SLC45A1: variants seen among roughly 807,000 people sequenced by gnomAD.
SLC45A1 encodes proton-associated sugar transporter A.
A neutral mutation model predicts 57.6 loss-of-function variants in SLC45A1; 28 were observed. That is an observed-to-expected ratio of 0.49 (90% CI 0.36 to 0.67). The LOEUF is 0.67. Ranked by LOEUF, SLC45A1 falls within the 30% of genes least tolerant of loss-of-function variation. The pLI, the probability that SLC45A1 is intolerant of heterozygous loss-of-function variation, is 0.00. For missense variants in SLC45A1, 814 were observed against 1,041.5 expected (o/e 0.78, Z 3.01); for synonymous variants, 459 against 471.5 (o/e 0.97, Z 0.34).
rs924405195 is a variant in SLC45A1, at chr1:8,328,151, C to G, written c.716-2058C>G. On this transcript the variant is annotated intron_variant, in intron 4 of 8. Coordinates refer to ENST00000471889, the MANE Select transcript of SLC45A1 (RefSeq NM_001080397.3). This position sits in a 1 kb window ranked among gnomAD's most constrained non-coding sequence, Gnocchi z 4.6. ...ACTCCTTCCTCTACTCTTTCCCCAA[C>G]CCTCACTGCTGCACTTGACTAGTCT... The G allele has an allele frequency of 1.3e-5, 2 of 152,224 alleles. No homozygotes were observed. The highest frequency in any genetic ancestry group is 4.8e-5 in the African/African-American group (2 of 41,456). 9.4% of individuals were successfully genotyped at this position (152,224 alleles called of 1,614,324 possible).
rs112328262 is a variant in SLC45A1 at position 8,343,034 on chromosome 1, T to C, written c.1981-713T>C. Among the ~76,000 whole-genome samples the C allele has an allele frequency of 2.1e-3, 327 of 152,304 alleles. No homozygotes were observed. Among genetic ancestry groups the C allele is most frequent in the African/African-American group, 7.5e-3 (311 of 41,564 alleles). On this transcript the variant is annotated intron_variant, in intron 8 of 8. Coordinates refer to ENST00000471889, the MANE Select transcript of SLC45A1 (RefSeq NM_001080397.3). This position sits in a 1 kb window ranked among gnomAD's most constrained non-coding sequence, Gnocchi z 7.7. ...CTGGGCCTGATTTGTTTTAGGGAGT[T>C]TGGAGTCTGACAAGTTCAGCTGGGC...
Position 8,344,050 on chromosome 1 carries a change from C to T in SLC45A1, c.*37C>T, listed in dbSNP as rs765965533. On this transcript the variant is annotated 3_prime_UTR_variant, in exon 9 of 9. Coordinates refer to ENST00000471889, the MANE Select transcript of SLC45A1 (RefSeq NM_001080397.3). ...CTCGACTCCGGACACGCGCCTGCAC[C>T]TGGGGGTCTGGAGCAGGCCGACCAG... 4.5e-6 allele frequency: 7 copies of T among 1,572,612 alleles called. No individual in the cohort carries two copies. The highest frequency in any genetic ancestry group is 4.5e-5 in the East Asian group (2 of 44,104).
intron 1 of SLC45A1, among the ~76,000 whole-genome samples, chr1:8,322,053 G>A: frequency 8.2e-6 from 1 of 122,364 alleles, no homozygotes; most frequent in Non-Finnish European, 1.7e-5. Context: ...GTGGGTGGAT[G>A]GATGGATGGG....
Position 8,324,504 on chromosome 1 carries a change from T to TGGCC in SLC45A1, c.175_176insGGCC (p.Ser59TrpfsTer14). Reference sequence around the variant, plus strand: ...CAAGAGGAGGAAGTGCATTCGTCCCTCCCCACCCCCGCCCCCCAACACCCC... The same window carrying TGGCC: ...CAAGAGGAGGAAGTGCATTCGTCCCTGGCCCCCCACCCCCGCCCCCCAACACCCC... On this transcript the variant is annotated frameshift_variant, in exon 2 of 9. Transcript: ENST00000471889. LOFTEE classifies it high-confidence loss of function. 3.3e-6 allele frequency: 5 copies of TGGCC among 1,528,626 alleles called. No homozygotes were observed. Among genetic ancestry groups the TGGCC allele is most frequent in the Non-Finnish European group, 4.5e-6 (5 of 1,108,702 alleles). The allele number at this position is 1,528,626 out of a possible 1,614,324, so 94.7% of individuals were successfully genotyped here.
intron 1 of SLC45A1, among the ~76,000 whole-genome samples, chr1:8,323,220 C>G (rs528945821): frequency 1.3e-5 from 2 of 152,034 alleles, no homozygotes; most frequent in African/African-American, 4.8e-5. Flanking sequence ...AGGCTGGGCA[C>G]GGTGGCTCAC....
intron 6 of SLC45A1, 67 bp from the exon 7 acceptor site, chr1:8,337,749 T>C: frequency 7.0e-7 from 1 of 1,436,226 alleles, no homozygotes; most frequent in Non-Finnish European, 9.6e-7. Flanking sequence ...TAGACGCATG[T>C]TGGTTAGAGA....
chr1:8,323,155 T>C (rs1569927719), intron 1 of SLC45A1, among the ~76,000 whole-genome samples: 2 of 152,106 alleles, frequency 1.3e-5, no homozygotes, highest in Non-Finnish European at 2.9e-5. Context: ...GCCTTGAACT[T>C]GCTCTCTCCT....
Position 8,327,295 on chromosome 1 carries a change from C to T in SLC45A1, c.715+1253C>T, listed in dbSNP as rs1187169628. On this transcript the variant is annotated intron_variant, in intron 4 of 8. Transcript: ENST00000471889. The surrounding 1 kb of genome is among the most constrained non-coding windows in gnomAD (Gnocchi z 4.3). ...TGTATGTATATATACATACCTGTGG[C>T]ATGCTTAATGGTGAAACAGGAGAAA... Among the ~76,000 whole-genome samples, 1 of 152,120 alleles carries T rather than the reference C, an allele frequency of 6.6e-6. No homozygotes were observed. Among genetic ancestry groups the T allele is most frequent in the Non-Finnish European group, 1.5e-5 (1 of 68,028 alleles).
Position 8,325,533 on chromosome 1 carries a change from C to T in SLC45A1, c.490+143C>T. On this transcript the variant is annotated intron_variant, in intron 3 of 8. Transcript: ENST00000471889. This position sits in a 1 kb window ranked among gnomAD's most constrained non-coding sequence, Gnocchi z 6.3. ...CCGCACTGGTGTGAGGCAGGGAGTG[C>T]CCCGCAACCTGGCCTCAGTTAACTG... 1.5e-6 allele frequency: 1 copy of T among 657,456 alleles called. No individual in the cohort carries two copies. The allele number at this position is 657,456 out of a possible 1,614,324, so 40.7% of individuals were successfully genotyped here.
At chr1:8,341,407 C>T (rs1281382315) in intron 8 of SLC45A1, among the ~76,000 whole-genome samples, 39 of 142,416 alleles carry the variant, frequency 2.7e-4, no homozygotes, top group Admixed American at 2.0e-3. Flanking sequence ...TGGTGGCGGA[C>T]GCCTATAGTC....
chr1:8,344,082 C>T lies in SLC45A1; in HGVS notation c.*69C>T. On this transcript the variant is annotated 3_prime_UTR_variant, in exon 9 of 9. Coordinates refer to ENST00000471889, the MANE Select transcript of SLC45A1 (RefSeq NM_001080397.3). Reference sequence around the variant, plus strand: ...TCTGGAGCAGGCCGACCAGTGAGGACCAAAGGGCCTTGTTGGACAGGGGGA... The same window carrying T: ...TCTGGAGCAGGCCGACCAGTGAGGATCAAAGGGCCTTGTTGGACAGGGGGA... The T allele has an allele frequency of 6.9e-7, 1 of 1,455,476 alleles. No homozygotes were observed. The highest frequency in any genetic ancestry group is 9.3e-7 in the Non-Finnish European group (1 of 1,079,204). The allele number at this position is 1,455,476 out of a possible 1,614,324, so 90.2% of individuals were successfully genotyped here. A position where few individuals can be genotyped will look rare whatever the true frequency, so the allele number is the denominator to read the frequency against.
intron 4 of SLC45A1, among the ~76,000 whole-genome samples, chr1:8,329,542 G>A (rs544038291): frequency 6.6e-6 from 1 of 152,358 alleles, no homozygotes; most frequent in South Asian, 2.1e-4. Flanking sequence ...CACTGCTGTT[G>A]GCCGGGTCCC....
chr1:8,343,769 G>A lies in SLC45A1; in HGVS notation c.2003G>A (p.Gly668Asp), dbSNP rs1569986302. 6.2e-7 allele frequency: 1 copy of A among 1,613,534 alleles called. No individual in the cohort carries two copies. Among genetic ancestry groups the A allele is most frequent in the Non-Finnish European group, 8.5e-7 (1 of 1,179,634 alleles). Residue 668 changes from glycine (G) to aspartate (D), a missense_variant, in exon 9 of 9, where the codon GGC becomes GAC. Gly to Asp is a moderately conservative substitution (Grantham distance 94, BLOSUM62 -1). Coordinates refer to ENST00000471889, the MANE Select transcript of SLC45A1 (RefSeq NM_001080397.3). The surrounding 1 kb of genome is among the most constrained non-coding windows in gnomAD (Gnocchi z 7.7). ...CAGTTTGCAGGGTCCAGTGCGGACGGCACCCGGCGGGGCATGGGCGTGGAC... is the reference window on the plus strand; with the variant it reads ...CAGTTTGCAGGGTCCAGTGCGGACGACACCCGGCGGGGCATGGGCGTGGAC... ...SKKFAGSSAD[G>D]TRRGMGVDIS... is the part of the protein sequence containing the mutation.
chr1:8,341,232 T>G (rs1359399387), intron 8 of SLC45A1, among the ~76,000 whole-genome samples: 1 of 133,710 alleles, frequency 7.5e-6, no homozygotes, highest in Non-Finnish European at 1.6e-5. Flanking sequence ...AGAGGGACAA[T>G]GAATAGAAAT....
chr1:8,336,096 G>C (rs1008525225), intron 6 of SLC45A1: 5 of 153,186 alleles, frequency 3.3e-5, no homozygotes, highest in African/African-American at 1.2e-4. Flanking sequence ...CTGCTGTCGA[G>C]TGGTTGAACA....
At chr1:8,321,532 G>A (rs1473137325) in intron 1 of SLC45A1, among the ~76,000 whole-genome samples, 1 of 152,168 alleles carries the variant, frequency 6.6e-6, no homozygotes, top group Non-Finnish European at 1.5e-5. Flanking sequence ...TACCCCCCAG[G>A]AAGGCCCTTT....
intron 5 of SLC45A1, among the ~76,000 whole-genome samples, chr1:8,332,873 C>T (rs935055094): frequency 6.6e-6 from 1 of 152,180 alleles, no homozygotes; most frequent in Non-Finnish European, 1.5e-5. Context: ...ATAAGAGTTG[C>T]TGGCCTGCAC....
rs1640669939 is a variant in SLC45A1 at position 8,337,859 on chromosome 1, C to T, written c.1641C>T (p.Phe547=). ...GGATGTTGCTCTTCTACACAGACTT[C>T]ATGGGCGAGGTGGTGTTTCAGGGGG... ...FEGMLLFYTD[F]MGEVVFQGDP... is the part of the protein sequence containing the mutation. The change falls in exon 7 of 9, where the codon TTC becomes TTT. Residue 547 remains phenylalanine (F), a synonymous_variant. Transcript: ENST00000471889. 1.2e-6 allele frequency: 2 copies of T among 1,614,242 alleles called. No individual in the cohort carries two copies. The highest frequency in any genetic ancestry group is 1.7e-6 in the Non-Finnish European group (2 of 1,180,040).
chr1:8,337,941 A>G lies in SLC45A1; in HGVS notation c.1723A>G (p.Met575Val). The G allele has an allele frequency of 1.2e-6, 2 of 1,614,108 alleles. No homozygotes were observed. Among genetic ancestry groups the G allele is most frequent in the South Asian group, 1.1e-5 (1 of 91,086 alleles). The change falls in exon 7 of 9, where the codon ATG (methionine) becomes GTG (valine). Residue 575 changes from methionine to valine, a missense_variant. By Grantham distance (21) the Met-to-Val change is conservative. Coordinates refer to ENST00000471889, the MANE Select transcript of SLC45A1 (RefSeq NM_001080397.3). ...TCAGAAGTACAACAGCGGCGTGACC[A>G]TGGGCTGCTGGGGCATGTGTATCTA... ...AYQKYNSGVT[M>V]GCWGMCIYAF...
Sources: allele counts gnomAD v4.1 joint callset (sites outside exome capture counted in the v4.1 genomes callset), GRCh38; gene constraint gnomAD v4.1.1; non-coding constraint Gnocchi (gnomAD v3.1); transcripts MANE v1.5; gene names NCBI Gene and HGNC (gene_info 2026-07-23, HGNC 2026-07-21).